The following COL25A1 variants were observed in gnomAD, a reference collection of about 807,000 sequenced individuals.
COL25A1 encodes the protein collagen alpha-1(XXV) chain.
A neutral mutation model predicts 128.4 loss-of-function variants in COL25A1; 103 were observed. That is an observed-to-expected ratio of 0.80 (90% CI 0.68 to 0.94). The LOEUF (loss-of-function observed/expected upper bound fraction) is 0.94, where lower values mean the gene tolerates loss of function less well. COL25A1 is among the 40% of genes least tolerant of loss of function. The pLI is 0.00. For missense variants in COL25A1, 745 were observed against 840.0 expected (o/e 0.89, Z 1.40); for synonymous variants, 279 against 277.2 (o/e 1.01, Z -0.06).
chr4:109,263,345 C>T (rs993161197), intron 3 of COL25A1, among the ~76,000 whole-genome samples: 3 of 151,760 alleles, frequency 2.0e-5, no homozygotes, highest in Non-Finnish European at 2.9e-5. Flanking sequence ...CAAAGGGTGG[C>T]ATACTCAAAA....
At chr4:109,108,182 C>A (rs1766634391) in intron 3 of COL25A1, among the ~76,000 whole-genome samples, 1 of 152,234 alleles carries the variant, frequency 6.6e-6, no homozygotes, top group South Asian at 2.1e-4. Flanking sequence ...CCTTCCGGCT[C>A]CCCCCACCCC....
intron 8 of COL25A1, among the ~76,000 whole-genome samples, chr4:108,943,747 T>A (rs1160518071): frequency 6.6e-6 from 1 of 151,976 alleles, no homozygotes; most frequent in Non-Finnish European, 1.5e-5. Context: ...ATTGGGTAAG[T>A]CTGAGAGAGA....
chr4:109,297,862 C>CTTTTTTTTTTTTTTTTTTTT (rs35099153), intron 3 of COL25A1, among the ~76,000 whole-genome samples: 2 of 63,830 alleles, frequency 3.1e-5, no homozygotes, highest in Non-Finnish European at 2.9e-5. Flanking sequence ...TTTTCCTTTT[C>CTTTTTTTTTTTTTTTTTTTT]TTTTTTTTTT....
At chr4:108,921,143 G>C (rs1745449554) in intron 11 of COL25A1, 1 of 154,126 alleles carries the variant, frequency 6.5e-6, no homozygotes. Flanking sequence ...AACTAGGGGA[G>C]GCCAGTGTCA....
At chr4:108,839,046 T>C (rs1195350088) in intron 31 of COL25A1, among the ~76,000 whole-genome samples, 3 of 151,446 alleles carry the variant, frequency 2.0e-5, no homozygotes, top group Non-Finnish European at 4.4e-5. Flanking sequence ...CAGACACAAA[T>C]ACCCTATAGA....
chr4:109,246,710 CTCTT>C (rs1204790611), intron 3 of COL25A1, among the ~76,000 whole-genome samples: 1 of 151,926 alleles, frequency 6.6e-6, no homozygotes, highest in Non-Finnish European at 1.5e-5. Context: ...TGATTCTATT[CTCTT>C]TTTCTTACCT....
intron 11 of COL25A1, among the ~76,000 whole-genome samples, chr4:108,922,413 T>G (rs773114232): frequency 4.6e-5 from 7 of 152,272 alleles, no homozygotes; most frequent in Non-Finnish European, 7.4e-5. Context: ...AGAATGTGTA[T>G]GTTCAATTCA....
chr4:109,007,156 GA>G (rs561628266), intron 6 of COL25A1, among the ~76,000 whole-genome samples: 8 of 152,100 alleles, frequency 5.3e-5, no homozygotes, highest in Non-Finnish European at 1.0e-4. Context: ...TTTTGTAAAA[GA>G]AAATTTCCCA....
intron 8 of COL25A1, among the ~76,000 whole-genome samples, chr4:108,960,280 T>C (rs945846551): frequency 5.3e-5 from 8 of 152,108 alleles, no homozygotes; most frequent in South Asian, 2.1e-4. Context: ...ATCAAAATTA[T>C]AGTGATTGTC....
At chr4:109,171,256 A>C (rs999543400) in intron 3 of COL25A1, among the ~76,000 whole-genome samples, 6 of 152,186 alleles carry the variant, frequency 3.9e-5, no homozygotes, top group Non-Finnish European at 7.3e-5. Context: ...CACTTCATTG[A>C]CTTATAAAGA....
intron 5 of COL25A1, among the ~76,000 whole-genome samples, chr4:109,044,364 G>T (rs1338401164): frequency 1.3e-5 from 2 of 151,250 alleles, no homozygotes; most frequent in Non-Finnish European, 3.0e-5. Flanking sequence ...CAAATATATG[G>T]TTGCTAAATT....
intron 10 of COL25A1, 46 bp from the exon 11 acceptor site, chr4:108,937,889 A>G: frequency 6.7e-7 from 1 of 1,488,400 alleles, no homozygotes; most frequent in Non-Finnish European, 9.2e-7. Flanking sequence ...TAAGTATTTA[A>G]AAAAAAACCC....
intron 31 of COL25A1, among the ~76,000 whole-genome samples, chr4:108,839,066 G>A: frequency 6.6e-6 from 1 of 152,030 alleles, no homozygotes. Context: ...AGTCTTGCTG[G>A]GTGGGGGCGG....
chr4:109,135,449 C>T (rs576409546), intron 3 of COL25A1, among the ~76,000 whole-genome samples: 4 of 152,180 alleles, frequency 2.6e-5, no homozygotes, highest in African/African-American at 7.2e-5. Flanking sequence ...CTGCTATGTC[C>T]CTATTTTCAA....
chr4:109,153,628 G>T (rs1771738378), intron 3 of COL25A1, among the ~76,000 whole-genome samples: 1 of 152,140 alleles, frequency 6.6e-6, no homozygotes, highest in African/African-American at 2.4e-5. Flanking sequence ...TTTTTGTGAA[G>T]ATACATAATA....
intron 3 of COL25A1, among the ~76,000 whole-genome samples, chr4:109,162,116 TG>T (rs1274435801): frequency 6.6e-6 from 1 of 152,160 alleles, no homozygotes; most frequent in Admixed American, 6.5e-5. Context: ...TAGTGTAATA[TG>T]GTGCAGTTGA....
At chr4:108,878,337 A>G (rs1190747411) in intron 19 of COL25A1, among the ~76,000 whole-genome samples, 3 of 152,016 alleles carry the variant, frequency 2.0e-5, no homozygotes, top group Admixed American at 2.0e-4. Context: ...TGCCCAATAA[A>G]TAGTACAGCA....
intron 3 of COL25A1, among the ~76,000 whole-genome samples, chr4:109,146,286 T>C (rs1770939127): frequency 6.6e-6 from 1 of 152,220 alleles, no homozygotes; most frequent in Non-Finnish European, 1.5e-5. Context: ...TACTATTTAA[T>C]AAGAAAAGTC....
At chr4:108,988,327 C>A (rs1358070908) in intron 6 of COL25A1, among the ~76,000 whole-genome samples, 1 of 152,102 alleles carries the variant, frequency 6.6e-6, no homozygotes, top group African/African-American at 2.4e-5. Context: ...ACATCGGGAC[C>A]AAAATTAGTA....
Sources: gnomAD v4.1 joint callset for allele counts (sites outside exome capture counted in the v4.1 genomes callset) on GRCh38, gnomAD v4.1.1 for gene constraint, MANE v1.5 for transcripts, NCBI Gene and HGNC (gene_info 2026-07-23, HGNC 2026-07-21) for gene names.